Variants in LRRTM4 observed in about 807,000 individuals in gnomAD.
LRRTM4 encodes the protein leucine rich repeat transmembrane neuronal 4.
In LRRTM4, 25 loss-of-function variants were observed where a neutral mutation model predicts 47.6. The observed-to-expected ratio is 0.53, with a 90% CI of 0.38 to 0.73. The LOEUF (loss-of-function observed/expected upper bound fraction) is 0.73, where lower values mean the gene tolerates loss of function less well. LRRTM4 is among the 30% of genes least tolerant of loss of function. The probability of loss-of-function intolerance (pLI) is 0.00; values close to 1 mark genes in which losing one functional copy is unlikely to be tolerated. For synonymous variants in LRRTM4, 311 were observed against 269.5 expected (o/e 1.15, Z -1.51); for missense variants, 638 against 713.4 (o/e 0.89, Z 1.20).
chr2:77,225,335 C>T (rs902305070), intron 3 of LRRTM4, among the ~76,000 whole-genome samples: 4 of 149,528 alleles, frequency 2.7e-5, no homozygotes, highest in Admixed American at 2.7e-4. Flanking sequence ...GCACGTTGTG[C>T]ACATGTACCC....
At chr2:77,347,132 C>A (rs983579222) in intron 3 of LRRTM4, among the ~76,000 whole-genome samples, 1 of 152,134 alleles carries the variant, frequency 6.6e-6, no homozygotes, top group South Asian at 2.1e-4. Flanking sequence ...CACTTACACG[C>A]CTTGACAAAA....
At chr2:77,458,717 A>G (rs769967208) in intron 3 of LRRTM4, among the ~76,000 whole-genome samples, 11 of 151,336 alleles carry the variant, frequency 7.3e-5, no homozygotes, top group Non-Finnish European at 1.3e-4. Flanking sequence ...TCATTTCATC[A>G]TGTCCATTGC....
At chr2:77,019,507 A>T (rs1447136120) in intron 3 of LRRTM4, among the ~76,000 whole-genome samples, 1 of 152,018 alleles carries the variant, frequency 6.6e-6, no homozygotes, top group Non-Finnish European at 1.5e-5. Context: ...TAATACTATA[A>T]ATCTCATGGA....
chr2:76,846,895 A>T (rs1671851924), intron 3 of LRRTM4, among the ~76,000 whole-genome samples: 1 of 149,414 alleles, frequency 6.7e-6, no homozygotes, highest in South Asian at 2.1e-4. Flanking sequence ...GTTAGAAAGT[A>T]AAAAGGTCAT....
chr2:77,457,983 AGGGAC>A (rs1194430704), intron 3 of LRRTM4, among the ~76,000 whole-genome samples: 1 of 152,196 alleles, frequency 6.6e-6, no homozygotes, highest in African/African-American at 2.4e-5. Flanking sequence ...GGATAGAAGC[AGGGAC>A]CCCAAATTGG....
intron 3 of LRRTM4, among the ~76,000 whole-genome samples, chr2:77,306,304 A>G (rs1677269887): frequency 6.6e-6 from 1 of 152,158 alleles, no homozygotes; most frequent in Non-Finnish European, 1.5e-5. Flanking sequence ...CTAAAATGTC[A>G]TTGAACAACA....
At chr2:77,441,868 T>A (rs991098800) in intron 3 of LRRTM4, among the ~76,000 whole-genome samples, 18 of 152,164 alleles carry the variant, frequency 1.2e-4, no homozygotes, top group Non-Finnish European at 1.5e-5. Context: ...TAAGGACATT[T>A]AAGGTAGGTG....
chr2:77,254,148 A>C (rs1304905433), intron 3 of LRRTM4, among the ~76,000 whole-genome samples: 1 of 152,062 alleles, frequency 6.6e-6, no homozygotes, highest in Non-Finnish European at 1.5e-5. Context: ...GAAAGAAAAA[A>C]GTATTGAAAG....
intron 3 of LRRTM4, among the ~76,000 whole-genome samples, chr2:77,465,198 T>TA (rs1300053255): frequency 6.6e-6 from 1 of 152,166 alleles, no homozygotes; most frequent in Non-Finnish European, 1.5e-5. Context: ...ATTCATATAA[T>TA]ATATAGTATC....
At chr2:77,031,557 G>C (rs1472547066) in intron 3 of LRRTM4, among the ~76,000 whole-genome samples, 1 of 152,084 alleles carries the variant, frequency 6.6e-6, no homozygotes, top group African/African-American at 2.4e-5. Context: ...GTTACTCGGG[G>C]AGTGAGATAT....
intron 3 of LRRTM4, among the ~76,000 whole-genome samples, chr2:76,774,226 C>A (rs1021821732): frequency 6.6e-6 from 1 of 151,468 alleles, no homozygotes; most frequent in African/African-American, 2.4e-5. Context: ...TGCTCTGTGG[C>A]CAGGCTGGAG....
At chr2:76,953,074 G>A (rs1379091087) in intron 3 of LRRTM4, among the ~76,000 whole-genome samples, 5 of 151,344 alleles carry the variant, frequency 3.3e-5, no homozygotes, top group African/African-American at 1.2e-4. Context: ...ACTACCTATT[G>A]GCTATATGCT....
chr2:76,773,580 TTAGA>T (rs1264269484), intron 3 of LRRTM4, among the ~76,000 whole-genome samples: 1 of 151,234 alleles, frequency 6.6e-6, no homozygotes, highest in Non-Finnish European at 1.5e-5. Flanking sequence ...AATGTTAATT[TTAGA>T]TAAAGTGATT....
intron 3 of LRRTM4, among the ~76,000 whole-genome samples, chr2:77,212,965 T>C (rs967621263): frequency 3.3e-5 from 5 of 152,164 alleles, no homozygotes; most frequent in Admixed American, 6.5e-5. Context: ...AACTTCACTG[T>C]ACTTCATTAG....
intron 3 of LRRTM4, among the ~76,000 whole-genome samples, chr2:76,933,447 C>T (rs1025480166): frequency 3.3e-5 from 5 of 151,864 alleles, no homozygotes; most frequent in Non-Finnish European, 7.4e-5. Context: ...TCAAATTTTA[C>T]GTAGTTATCT....
chr2:76,941,160 C>CAAACAAA (rs1163866306), intron 3 of LRRTM4, among the ~76,000 whole-genome samples: 46 of 151,638 alleles, frequency 3.0e-4, no homozygotes, highest in African/African-American at 1.1e-3. Flanking sequence ...GAAGTAAGGT[C>CAAACAAA]AAACAAAAAA....
At chr2:76,829,695 C>G (rs1029514454) in intron 3 of LRRTM4, among the ~76,000 whole-genome samples, 1 of 151,936 alleles carries the variant, frequency 6.6e-6, no homozygotes, top group African/African-American at 2.4e-5. Flanking sequence ...ATATGCTTCC[C>G]TCTTCAATTT....
intron 3 of LRRTM4, among the ~76,000 whole-genome samples, chr2:77,026,641 C>T (rs1469587922): frequency 1.3e-5 from 2 of 151,586 alleles, no homozygotes; most frequent in East Asian, 1.9e-4. Flanking sequence ...TCTATAAAAC[C>T]TGAAAAGCTG....
At chr2:76,975,387 G>A (rs1676383915) in intron 3 of LRRTM4, among the ~76,000 whole-genome samples, 1 of 150,188 alleles carries the variant, frequency 6.7e-6, no homozygotes, top group South Asian at 2.1e-4. Context: ...CATTCTTCTG[G>A]CTTAATCATA....
Sources: gnomAD v4.1 joint callset for allele counts (sites outside exome capture counted in the v4.1 genomes callset) on GRCh38, gnomAD v4.1.1 for gene constraint, MANE v1.5 for transcripts, NCBI Gene and HGNC (gene_info 2026-07-23, HGNC 2026-07-21) for gene names.